Variants in NSF observed in about 807,000 individuals in gnomAD.
NSF encodes the protein vesicle-fusing ATPase.
Under a neutral mutation model 50.3 loss-of-function variants are expected in NSF, and 14 were observed. That is an observed-to-expected ratio of 0.28 (90% CI 0.18 to 0.44). The LOEUF is 0.44. NSF is among the 20% of genes least tolerant of loss of function. The pLI is 1.00. For missense variants in NSF, 218 were observed against 504.3 expected, an observed-to-expected ratio of 0.43 and a Z score of 5.44; for synonymous variants, 109 against 175.7, an observed-to-expected ratio of 0.62 and a Z score of 3.00.
rs552043549 is a variant in NSF at position 46,681,554 on chromosome 17, C to T, written c.945+6941C>T. Among the ~76,000 whole-genome samples the T allele has an allele frequency of 3.5e-5, 5 of 143,494 alleles. 1 individual carries two copies. Among genetic ancestry groups the T allele is most frequent in the Non-Finnish European group, 7.4e-5 (5 of 67,632 alleles). The allele number at this position is 143,494 out of a possible 152,430, so 94.1% of individuals were successfully genotyped here. On this transcript the variant is annotated intron_variant, in intron 9 of 20. Transcript: ENST00000398238. ...TGAATAACACTCAGAAATATAACAT[C>T]TCGTCTTCAAAAAAAAAACCTAGTA... is the stretch of plus-strand genomic sequence containing the variant.
At chr17:46,749,324 G>A (rs943664706) in intron 17 of NSF, among the ~76,000 whole-genome samples, 1 of 152,188 alleles carries the variant, frequency 6.6e-6, no homozygotes, top group East Asian at 1.9e-4. Context: ...TTACAGTTCA[G>A]TGTTGCATAA....
At chr17:46,739,207 C>A (rs1483682576) in intron 17 of NSF, among the ~76,000 whole-genome samples, 1 of 151,978 alleles carries the variant, frequency 6.6e-6, no homozygotes, top group Non-Finnish European at 1.5e-5. Flanking sequence ...CCCGCCTCTA[C>A]TAAAAATACA....
chr17:46,730,778 G>T (rs2058941208), intron 17 of NSF, among the ~76,000 whole-genome samples: 1 of 152,082 alleles, frequency 6.6e-6, no homozygotes, highest in African/African-American at 2.4e-5. Context: ...AATAAGTAAA[G>T]TTCAAATGGC....
intron 19 of NSF, among the ~76,000 whole-genome samples, chr17:46,752,357 T>C (rs1195119571): frequency 6.6e-6 from 1 of 152,216 alleles, no homozygotes; most frequent in Non-Finnish European, 1.5e-5. Flanking sequence ...AATACCTCCC[T>C]ATCAAGCCCT....
At chr17:46,598,931 A>C (rs1229335183) in intron 1 of NSF, among the ~76,000 whole-genome samples, 1 of 141,140 alleles carries the variant, frequency 7.1e-6, no homozygotes, top group Non-Finnish European at 1.5e-5. Context: ...AGTAGTTATT[A>C]GTTTTGTGTA....
chr17:46,724,180 A>C (rs1159888508), intron 15 of NSF, among the ~76,000 whole-genome samples: 1 of 152,182 alleles, frequency 6.6e-6, no homozygotes, highest in Non-Finnish European at 1.5e-5. Flanking sequence ...TCATGCTTCA[A>C]GTCTCAGGTT....
intron 16 of NSF, 32 bp from the exon 17 acceptor site, chr17:46,728,823 A>C (rs2058919441): frequency 1.3e-6 from 2 of 1,495,032 alleles, no homozygotes; most frequent in African/African-American, 2.8e-5. Flanking sequence ...ATGTGTATCA[A>C]ATCCCTAAAC....
At chr17:46,626,153 TGAGA>T (rs1019346670) in intron 2 of NSF, among the ~76,000 whole-genome samples, 2 of 132,506 alleles carry the variant, frequency 1.5e-5, no homozygotes, top group Admixed American at 1.6e-4. Context: ...TTTAGCCTGT[TGAGA>T]GAGTCTGCAA....
chr17:46,605,960 A>AC (rs1005598704), intron 1 of NSF, among the ~76,000 whole-genome samples: 2 of 45,904 alleles, frequency 4.4e-5, no homozygotes, highest in Non-Finnish European at 6.4e-5. Context: ...GATCAGCCTG[A>AC]CCAACATGGA....
intron 15 of NSF, 50 bp downstream of exon 15, chr17:46,714,036 G>T: frequency 6.4e-7 from 1 of 1,556,050 alleles, no homozygotes; most frequent in Non-Finnish European, 8.7e-7. Context: ...AAATGTGTGT[G>T]TGTGTGCACA....
chr17:46,723,573 G>T (rs2058855278), intron 15 of NSF, among the ~76,000 whole-genome samples: 1 of 152,040 alleles, frequency 6.6e-6, no homozygotes, highest in African/African-American at 2.4e-5. Flanking sequence ...AAGATAAAAG[G>T]CCCTTCCCTT....
At chr17:46,724,907 C>A (rs887776855) in intron 15 of NSF, among the ~76,000 whole-genome samples, 1 of 152,124 alleles carries the variant, frequency 6.6e-6, no homozygotes, top group African/African-American at 2.4e-5. Context: ...GAGTGATTTC[C>A]ATTCCCTGAC....
At chr17:46,649,553 G>C (rs1282926286) in intron 8 of NSF, among the ~76,000 whole-genome samples, 1 of 150,922 alleles carries the variant, frequency 6.6e-6, no homozygotes, top group Non-Finnish European at 1.5e-5. Flanking sequence ...GTTTTCTCCT[G>C]CGTTACTCCC....
chr17:46,623,318 A>C (rs1362623060), intron 1 of NSF, among the ~76,000 whole-genome samples: 1 of 54,542 alleles, frequency 1.8e-5, no homozygotes, highest in African/African-American at 1.1e-4. Context: ...ACTCCATCTC[A>C]AAAAAAAAAA....
At chr17:46,721,498 G>T in intron 15 of NSF, 1 of 844,266 alleles carries the variant, frequency 1.2e-6, no homozygotes, top group East Asian at 2.5e-5. Flanking sequence ...TGTTCTACAG[G>T]AAACTTCATA....
chr17:46,635,822 C>G (rs1351512438), intron 4 of NSF, among the ~76,000 whole-genome samples: 1 of 34,836 alleles, frequency 2.9e-5, no homozygotes, highest in Non-Finnish European at 8.6e-5. Context: ...TGTGTGTGCT[C>G]GTGTGTGAAG....
intron 16 of NSF, among the ~76,000 whole-genome samples, chr17:46,727,584 G>T (rs1294397951): frequency 6.6e-6 from 1 of 152,116 alleles, no homozygotes; most frequent in African/African-American, 2.4e-5. Context: ...AGTTTTGGCA[G>T]TGTCTGTTAT....
intron 17 of NSF, among the ~76,000 whole-genome samples, chr17:46,748,944 T>G (rs2059156629): frequency 6.6e-6 from 1 of 152,136 alleles, no homozygotes; most frequent in African/African-American, 2.4e-5. Flanking sequence ...AATATAGATT[T>G]AACTAAAGAC....
chr17:46,729,020 G>C (rs1020618733), intron 17 of NSF, 86 bp downstream of exon 17: 1 of 829,806 alleles, frequency 1.2e-6, no homozygotes, highest in African/African-American at 1.8e-5. Flanking sequence ...AAATAAGCAG[G>C]TTATCATAAA....
Sources: gnomAD v4.1 joint callset for allele counts (sites outside exome capture counted in the v4.1 genomes callset) on GRCh38, gnomAD v4.1.1 for gene constraint, MANE v1.5 for transcripts, NCBI Gene and HGNC (gene_info 2026-07-23, HGNC 2026-07-21) for gene names.